TANC1: variants seen among roughly 807,000 people sequenced by gnomAD.
TANC1 encodes the protein protein TANC1.
TANC1 carries 77 observed loss-of-function variants against 149.7 expected under a neutral mutation model. The ratio of observed to expected loss-of-function variants is 0.51; its 90% CI spans 0.43 to 0.62. The LOEUF (loss-of-function observed/expected upper bound fraction) is 0.62. TANC1 is among the 20% of genes least tolerant of loss of function. TANC1 has a pLI of 0.00. For synonymous variants in TANC1, 854 were observed against 925.0 expected, an observed-to-expected ratio of 0.92 and a Z score of 1.39; for missense variants, 1,985 against 2,321.8, an observed-to-expected ratio of 0.85 and a Z score of 2.98.
intron 8 of TANC1, among the ~76,000 whole-genome samples, chr2:159,167,947 G>A (rs1383017444): frequency 1.1e-4 from 17 of 152,154 alleles, no homozygotes; most frequent in Admixed American, 1.1e-3. Flanking sequence ...GGCCCAACTC[G>A]ACTTCTGTCC....
At chr2:159,092,615 T>C (rs1365379341) in intron 3 of TANC1, among the ~76,000 whole-genome samples, 3 of 152,246 alleles carry the variant, frequency 2.0e-5, no homozygotes, top group African/African-American at 4.8e-5. Context: ...TGCGTATATA[T>C]TTTTATTTAT....
Position 159,124,825 on chromosome 2 carries a change from G to A in TANC1, c.260-11369G>A, listed in dbSNP as rs576318349. On this transcript the variant is annotated intron_variant, in intron 4 of 26. Transcript: ENST00000263635. The stretch of plus-strand genomic sequence containing the variant: ...CATGAGCATGACTCACTGCAGCCTC[G>A]ACTTGTGTGATCCTCCCGCCTCAGC... Among the ~76,000 whole-genome samples the A allele has an allele frequency of 4.6e-4, 69 of 150,922 alleles. 1 individual carries two copies. Among genetic ancestry groups the A allele is most frequent in the Admixed American group, 2.6e-4 (4 of 15,140 alleles).
chr2:159,048,602 A>G (rs1232808250), intron 2 of TANC1, among the ~76,000 whole-genome samples: 1 of 152,130 alleles, frequency 6.6e-6, no homozygotes, highest in African/African-American at 2.4e-5. Flanking sequence ...GAACATAGAA[A>G]TTTTCCTGGA....
chr2:159,176,433 A>C lies in TANC1; in HGVS notation c.1817A>C (p.Asp606Ala). ...EAEFHKPDYG[D>A]TLSSFITKII... ...GAGTTTCATAAACCTGATTATGGAG[A>C]TACGCTTTCTTCATTTATTACCAAA... The change falls in exon 13 of 27, where the codon GAT (aspartate) becomes GCT (alanine). Residue 606 changes from aspartate to alanine, a missense_variant. Physicochemically the swap from Asp to Ala is moderately radical, Grantham distance 126. Coordinates refer to ENST00000263635, the MANE Select transcript of TANC1 (RefSeq NM_033394.3). 3 of 1,593,608 alleles carry C rather than the reference A, an allele frequency of 1.9e-6. No homozygotes were observed. Among genetic ancestry groups the C allele is most frequent in the Non-Finnish European group, 1.7e-6 (2 of 1,167,560 alleles).
intron 19 of TANC1, among the ~76,000 whole-genome samples, chr2:159,205,415 A>G (rs779239269): frequency 6.6e-6 from 1 of 152,238 alleles, no homozygotes; most frequent in Non-Finnish European, 1.5e-5. Context: ...TTGCAGTCAC[A>G]TATACAGCCA....
chr2:159,219,333 G>C lies in TANC1; in HGVS notation c.3474G>C (p.Leu1158Phe). The C allele has an allele frequency of 1.2e-6, 2 of 1,614,038 alleles. No homozygotes were observed. Among genetic ancestry groups the C allele is most frequent in the South Asian group, 1.1e-5 (1 of 91,074 alleles). The change falls in exon 21 of 27, where the codon TTG becomes TTC. Residue 1158 changes from leucine to phenylalanine, a missense_variant. Physicochemically the swap from Leu to Phe is conservative, Grantham distance 22. This residue lies in a region of TANC1 where 920 missense variants were observed against 994.7 expected (regional missense o/e 0.92). Coordinates refer to ENST00000263635, the MANE Select transcript of TANC1 (RefSeq NM_033394.3). ...TGGTGGCTGCTTGTGAAGGGCACTT[G>C]AGCACCGTGGAATTCCTCCTTTCAA... ...PLMVAACEGH[L>F]STVEFLLSKG...
chr2:158,992,103 C>T (rs1361321815), intron 1 of TANC1, among the ~76,000 whole-genome samples: 1 of 152,098 alleles, frequency 6.6e-6, no homozygotes, highest in Non-Finnish European at 1.5e-5. Context: ...TGGCTCATGT[C>T]TGTAATCCCA....
intron 18 of TANC1, 103 bp downstream of exon 18, chr2:159,196,896 C>A: frequency 8.6e-7 from 1 of 1,168,314 alleles, no homozygotes; most frequent in Non-Finnish European, 1.2e-6. Flanking sequence ...CAAGAACTAG[C>A]ATTTGGCGTT....
At chr2:158,970,598 T>G (rs2032722263) in intron 1 of TANC1, among the ~76,000 whole-genome samples, 1 of 152,180 alleles carries the variant, frequency 6.6e-6, no homozygotes. Flanking sequence ...TCAAAAAGCA[T>G]CATAAATATA....
intron 1 of TANC1, among the ~76,000 whole-genome samples, chr2:158,974,645 C>T (rs971777648): frequency 1.3e-5 from 2 of 152,072 alleles, no homozygotes; most frequent in Non-Finnish European, 2.9e-5. Flanking sequence ...GTTGGCCAGG[C>T]TGGTCTTGAA....
intron 22 of TANC1, among the ~76,000 whole-genome samples, chr2:159,220,324 C>T (rs2059623354): frequency 1.3e-5 from 2 of 149,890 alleles, no homozygotes; most frequent in African/African-American, 2.5e-5. Context: ...TTTTTTTTTC[C>T]CAAGATGGAG....
chr2:159,230,336 C>T lies in TANC1; in HGVS notation c.4910C>T (p.Ala1637Val), dbSNP rs1276784761. 2 of 1,614,144 alleles carry T rather than the reference C, an allele frequency of 1.2e-6. No individual in the cohort carries two copies. Among genetic ancestry groups the T allele is most frequent in the Non-Finnish European group, 1.7e-6 (2 of 1,180,028 alleles). ...TERLLSHSSV[A>V]VDAAPPNQGG... The stretch of plus-strand genomic sequence containing the variant: ...AGGCTTCTGTCTCATTCCTCCGTGG[C>T]TGTGGACGCAGCCCCTCCAAACCAA... Residue 1637 changes from alanine (A) to valine (V), a missense_variant, in exon 27 of 27, where the codon GCT becomes GTT. Physicochemically the swap from Ala to Val is moderately conservative, Grantham distance 64. Coordinates refer to ENST00000263635, the MANE Select transcript of TANC1 (RefSeq NM_033394.3). This position sits in a 1 kb window ranked among gnomAD's most constrained non-coding sequence, Gnocchi z 4.4.
chr2:159,125,459 C>T (rs1370268417), intron 4 of TANC1, among the ~76,000 whole-genome samples: 2 of 152,120 alleles, frequency 1.3e-5, no homozygotes, highest in East Asian at 1.9e-4. Flanking sequence ...AAAATCAAGA[C>T]GGTAGCAGGG....
Position 159,150,402 on chromosome 2 carries a change from C to T in TANC1, c.528C>T (p.Cys176=). 1 of 1,614,186 alleles carries T rather than the reference C, an allele frequency of 6.2e-7. No individual in the cohort carries two copies. The highest frequency in any genetic ancestry group is 8.5e-7 in the Non-Finnish European group (1 of 1,180,030). The change falls in exon 7 of 27, where the codon TGC becomes TGT. Residue 176 remains cysteine (C), a synonymous_variant. Coordinates refer to ENST00000263635, the MANE Select transcript of TANC1 (RefSeq NM_033394.3). ...CTALSQGISP[C]STLTSSTASP... is the part of the protein sequence containing the mutation. Reference sequence around the variant, plus strand: ...CTCTGAGTCAAGGCATCAGTCCTTGCTCCACACTAACAAGCAGCACCGCAT... The same window carrying T: ...CTCTGAGTCAAGGCATCAGTCCTTGTTCCACACTAACAAGCAGCACCGCAT...
chr2:158,975,568 A>G (rs2033552854), intron 1 of TANC1, among the ~76,000 whole-genome samples: 1 of 132,268 alleles, frequency 7.6e-6, no homozygotes, highest in Non-Finnish European at 1.6e-5. Flanking sequence ...CTAAGACCAC[A>G]ATTACTTTTT....
At chr2:158,982,927 C>A (rs776792877) in intron 1 of TANC1, among the ~76,000 whole-genome samples, 50 of 152,052 alleles carry the variant, frequency 3.3e-4, no homozygotes, top group Non-Finnish European at 5.7e-4. Context: ...CCAGTCCTTA[C>A]CATATTTTAT....
chr2:159,107,115 C>T (rs1284044521), intron 4 of TANC1, among the ~76,000 whole-genome samples: 4 of 152,176 alleles, frequency 2.6e-5, no homozygotes, highest in Admixed American at 6.5e-5. Context: ...GCAGCTTCCA[C>T]CTCCTGGGTT....
chr2:159,213,093 A>G (rs994708594), intron 19 of TANC1, among the ~76,000 whole-genome samples: 3 of 152,140 alleles, frequency 2.0e-5, no homozygotes, highest in African/African-American at 7.2e-5. Context: ...TGGTAATAGA[A>G]AGGAAGACAC....
chr2:159,184,691 T>C (rs1181774218), intron 14 of TANC1, among the ~76,000 whole-genome samples: 1 of 152,016 alleles, frequency 6.6e-6, no homozygotes, highest in Non-Finnish European at 1.5e-5. Flanking sequence ...GCGGTTTCCA[T>C]GGGAATAAGG....
Sources: allele counts gnomAD v4.1 joint callset (sites outside exome capture counted in the v4.1 genomes callset), GRCh38; gene constraint gnomAD v4.1.1; regional missense constraint gnomAD v4.1.1; non-coding constraint Gnocchi (gnomAD v3.1); transcripts MANE v1.5; gene names NCBI Gene and HGNC (gene_info 2026-07-23, HGNC 2026-07-21).